Variants in PPP4R2 observed in about 807,000 individuals in gnomAD.
PPP4R2 encodes serine/threonine-protein phosphatase 4 regulatory subunit 2.
A neutral mutation model predicts 47.2 loss-of-function variants in PPP4R2; 13 were observed. That is an observed-to-expected ratio of 0.28 (90% CI 0.18 to 0.44). The LOEUF (loss-of-function observed/expected upper bound fraction) is 0.44, where lower values mean the gene tolerates loss of function less well. PPP4R2 is among the 20% of genes least tolerant of loss of function. PPP4R2 has a pLI of 1.00. For missense variants in PPP4R2, 421 were observed against 491.2 expected (o/e 0.86, Z 1.35); for synonymous variants, 151 against 163.3 (o/e 0.92, Z 0.57).
At chr3:73,011,405 C>T (rs1380830422) in intron 2 of PPP4R2, among the ~76,000 whole-genome samples, 1 of 152,020 alleles carries the variant, frequency 6.6e-6, no homozygotes. Context: ...CGCTGGAACG[C>T]GGGAGGCAGA....
intron 2 of PPP4R2, among the ~76,000 whole-genome samples, chr3:73,016,296 C>T (rs1488919740): frequency 6.6e-6 from 1 of 151,512 alleles, no homozygotes; most frequent in Non-Finnish European, 1.5e-5. Flanking sequence ...TGCCTTATAG[C>T]AGTGGTTCTA....
In PPP4R2 at chr3:73,061,096, A is replaced by G. The variant is rs560252192; in HGVS notation, c.419+36A>G. On this transcript the variant is annotated intron_variant, in intron 5 of 8. Coordinates refer to ENST00000356692, the MANE Select transcript of PPP4R2 (RefSeq NM_174907.4). ...TTTTTCTATTTCTAGTATATTATTTACTATATTTAATCATTTTATTGCTTC... is the reference window on the plus strand; with the variant it reads ...TTTTTCTATTTCTAGTATATTATTTGCTATATTTAATCATTTTATTGCTTC... 1.5e-5 allele frequency: 15 copies of G among 1,003,360 alleles called. No homozygotes were observed. In the Admixed American group the frequency reaches 3.9e-4, roughly 26 times the overall value. The allele number at this position is 1,003,360 out of a possible 1,614,324, so 62.2% of individuals were successfully genotyped here. A position where few individuals can be genotyped will look rare whatever the true frequency, so the allele number is the denominator to read the frequency against.
At chr3:73,057,974 G>A (rs548756418) in intron 3 of PPP4R2, among the ~76,000 whole-genome samples, 27 of 152,214 alleles carry the variant, frequency 1.8e-4, no homozygotes, top group African/African-American at 6.3e-4. Flanking sequence ...GATTGGTATG[G>A]CAGACACTGA....
intron 2 of PPP4R2, among the ~76,000 whole-genome samples, chr3:73,038,777 T>C (rs1484900394): frequency 1.3e-5 from 2 of 152,212 alleles, no homozygotes; most frequent in African/African-American, 4.8e-5. Flanking sequence ...TTTGAATCTT[T>C]AGGCATTTTT....
chr3:73,040,308 A>T (rs902696521), intron 2 of PPP4R2, among the ~76,000 whole-genome samples: 1 of 152,198 alleles, frequency 6.6e-6, no homozygotes, highest in African/African-American at 2.4e-5. Flanking sequence ...AGTATGGTAC[A>T]TGGTGTCTGG....
chr3:73,032,815 C>T (rs1422893817), intron 2 of PPP4R2, among the ~76,000 whole-genome samples: 4 of 152,096 alleles, frequency 2.6e-5, no homozygotes, highest in African/African-American at 4.8e-5. Flanking sequence ...TCAATATATA[C>T]GTTGTCTCTG....
At position 72,998,114 on chromosome 3, in the gene PPP4R2, C is replaced by A; in HGVS notation, c.72C>A (p.Val24=). 3 of 1,606,520 alleles carry A rather than the reference C, an allele frequency of 1.9e-6. No individual in the cohort carries two copies. The highest frequency in any genetic ancestry group is 2.5e-6 in the Non-Finnish European group (3 of 1,177,828). ...EKRGKKEVCP[V]LDQFLCHVAK... The stretch of plus-strand genomic sequence containing the variant: ...GGGGGAAAAAGGAAGTTTGTCCTGT[C>A]CTGGATCAGTTTCTTTGTCATGTAG... Residue 24 remains valine (V), a synonymous_variant, in exon 2 of 9, where the codon GTC becomes GTA. Transcript: ENST00000356692.
rs984844272 is a variant in PPP4R2 at position 73,068,211 on chromosome 3, A to G, written c.*2489A>G. 17 of 152,184 alleles carry G rather than the reference A, an allele frequency of 1.1e-4. No individual in the cohort carries two copies. Among genetic ancestry groups the G allele is most frequent in the Admixed American group, 9.2e-4 (14 of 15,274 alleles). 9.4% of individuals were successfully genotyped at this position (152,184 alleles called of 1,614,324 possible). A position where few individuals can be genotyped will look rare whatever the true frequency, so the allele number is the denominator to read the frequency against. ...AGTGATTTTAGGCATATTTCTTAAC[A>G]TATATCAAGCAAAGTCCTGTTAAAA... On this transcript the variant is annotated 3_prime_UTR_variant, in exon 9 of 9. Transcript: ENST00000356692.
At chr3:73,032,488 C>T (rs1702185134) in intron 2 of PPP4R2, among the ~76,000 whole-genome samples, 1 of 152,092 alleles carries the variant, frequency 6.6e-6, no homozygotes, top group Admixed American at 6.6e-5. Context: ...GGGGTTTTAC[C>T]ATGTTGGCCA....
chr3:73,061,141 T>C, intron 5 of PPP4R2, 81 bp downstream of exon 5: 1 of 611,416 alleles, frequency 1.6e-6, no homozygotes, highest in Non-Finnish European at 2.6e-6. Context: ...ATTCTTAAAA[T>C]AGACTGAATT....
chr3:73,055,703 C>T (rs1702718627), intron 3 of PPP4R2, among the ~76,000 whole-genome samples: 1 of 151,184 alleles, frequency 6.6e-6, no homozygotes, highest in Non-Finnish European at 1.5e-5. Context: ...CTCTTATCAC[C>T]CAGGCTGGAG....
intron 2 of PPP4R2, among the ~76,000 whole-genome samples, chr3:73,045,562 T>A (rs1241000616): frequency 6.7e-6 from 1 of 148,966 alleles, no homozygotes; most frequent in African/African-American, 2.5e-5. Flanking sequence ...GTCTTGCTCA[T>A]CGCCCGGGCT....
chr3:73,029,460 A>G (rs1462151078), intron 2 of PPP4R2, among the ~76,000 whole-genome samples: 1 of 152,218 alleles, frequency 6.6e-6, no homozygotes, highest in Non-Finnish European at 1.5e-5. Context: ...TACAACCAAC[A>G]GGATTTCCAG....
chr3:73,003,926 C>T (rs1418283399), intron 2 of PPP4R2, among the ~76,000 whole-genome samples: 1 of 152,296 alleles, frequency 6.6e-6, no homozygotes, highest in Middle Eastern at 3.4e-3. Flanking sequence ...TCTCGAACTC[C>T]TGACCTCAGG....
intron 2 of PPP4R2, among the ~76,000 whole-genome samples, chr3:73,045,047 C>G (rs6549501): frequency 0.54 from 81,403 of 152,036 alleles, 22,154 homozygotes; most frequent in South Asian, 0.62. Flanking sequence ...AGGCTGGATT[C>G]CAGTGGTGTG....
chr3:73,009,031 G>A (rs1701670637), intron 2 of PPP4R2, among the ~76,000 whole-genome samples: 1 of 152,124 alleles, frequency 6.6e-6, no homozygotes. Flanking sequence ...CAGGCAGATA[G>A]TGAGTGTCCT....
At chr3:73,050,358 A>G (rs1301099277) in intron 3 of PPP4R2, among the ~76,000 whole-genome samples, 2 of 152,150 alleles carry the variant, frequency 1.3e-5, no homozygotes, top group East Asian at 3.8e-4. Context: ...TGATACATCA[A>G]GATTTTTCTA....
At chr3:73,059,227 T>C (rs1702792689) in intron 4 of PPP4R2, 97 bp downstream of exon 4, 1 of 591,106 alleles carries the variant, frequency 1.7e-6, no homozygotes. Context: ...GTACCACTTC[T>C]TGAAATATGT....
At chr3:73,000,842 A>G (rs1376563399) in intron 2 of PPP4R2, among the ~76,000 whole-genome samples, 5 of 152,232 alleles carry the variant, frequency 3.3e-5, no homozygotes, top group South Asian at 4.1e-4. Flanking sequence ...AAACAGGAAC[A>G]TATGGTGTGT....
Sources: gnomAD v4.1 joint callset for allele counts (sites outside exome capture counted in the v4.1 genomes callset) on GRCh38, gnomAD v4.1.1 for gene constraint, MANE v1.5 for transcripts, NCBI Gene and HGNC (gene_info 2026-07-23, HGNC 2026-07-21) for gene names.